The following MYH13 variants were observed in gnomAD, a reference collection of about 807,000 sequenced individuals.
MYH13 encodes myosin-13.
MYH13 carries 177 observed loss-of-function variants against 232.1 expected under a neutral mutation model. The ratio of observed to expected loss-of-function variants is 0.76; its 90% CI spans 0.67 to 0.86. MYH13 has a LOEUF of 0.86. Among genes scored for constraint, MYH13 ranks in the 40% least tolerant of loss-of-function variants. The pLI is 0.00. For synonymous variants in MYH13, 884 were observed against 923.5 expected, an observed-to-expected ratio of 0.96 and a Z score of 0.78; for missense variants, 2,246 against 2,405.9, an observed-to-expected ratio of 0.93 and a Z score of 1.39.
chr17:10,306,220 A>ATATGTGTGTG lies in MYH13; in HGVS notation c.5466+238_5466+239insCACACACATA, dbSNP rs1266110568. Among the ~76,000 whole-genome samples the ATATGTGTGTG allele has an allele frequency of 7.7e-6, 1 of 129,944 alleles. No homozygotes were observed. Among genetic ancestry groups the ATATGTGTGTG allele is most frequent in the African/African-American group, 2.9e-5 (1 of 34,444 alleles). 85.2% of individuals were successfully genotyped at this position (129,944 alleles called of 152,430 possible). A position where few individuals can be genotyped will look rare whatever the true frequency, so the allele number is the denominator to read the frequency against. The stretch of plus-strand genomic sequence containing the variant: ...CTGAGGTGTGAGCATACCAAAATAG[A>ATATGTGTGTG]TGTGTGTGTGTGTGTGTGTGTGTGT... On this transcript the variant is annotated intron_variant, in intron 37 of 40. Transcript: ENST00000252172. The surrounding 1 kb of genome is among the most constrained non-coding windows in gnomAD (Gnocchi z 4.3).
intron 25 of MYH13, 31 bp downstream of exon 25, chr17:10,320,320 G>T (rs775583376): frequency 1.2e-6 from 2 of 1,609,718 alleles, no homozygotes; most frequent in African/African-American, 1.3e-5. Flanking sequence ...CTTTTAGGCT[G>T]AGACACAGAG....
At chr17:10,351,564 T>G (rs530930411) in intron 11 of MYH13, among the ~76,000 whole-genome samples, 3 of 152,224 alleles carry the variant, frequency 2.0e-5, no homozygotes, top group African/African-American at 7.2e-5. Context: ...CTGTATGTTA[T>G]TAAATCCCCA....
At chr17:10,329,000 G>T (rs1907320651) in intron 21 of MYH13, among the ~76,000 whole-genome samples, 1 of 152,052 alleles carries the variant, frequency 6.6e-6, no homozygotes, top group Non-Finnish European at 1.5e-5. Context: ...TTCTGCTGCT[G>T]TTTTCATCCC....
At chr17:10,317,281 G>A (rs71358293) in intron 27 of MYH13, among the ~76,000 whole-genome samples, 4,782 of 152,182 alleles carry the variant, frequency 0.031, 117 homozygotes, top group Non-Finnish European at 0.04. Flanking sequence ...CTTAGAGGAA[G>A]AAAGAAAACC....
intron 18 of MYH13, among the ~76,000 whole-genome samples, chr17:10,339,648 A>G (rs145371311): frequency 3.3e-5 from 5 of 152,316 alleles, no homozygotes; most frequent in South Asian, 4.1e-4. Flanking sequence ...CATACACACA[A>G]TATTTTGAAT....
At chr17:10,349,693 G>A (rs774416290) in intron 12 of MYH13, among the ~76,000 whole-genome samples, 1 of 152,002 alleles carries the variant, frequency 6.6e-6, no homozygotes, top group South Asian at 2.1e-4. Context: ...TTGACTTTGA[G>A]TTAACAAAAA....
At position 10,369,494 on chromosome 17, in the gene MYH13, A is replaced by C. The variant is rs78585219; in HGVS notation, c.-13+1715T>G. Among the ~76,000 whole-genome samples, 146 of 152,358 alleles carry C rather than the reference A, an allele frequency of 9.6e-4. 2 individuals carry two copies. In the East Asian group the frequency reaches 0.024, roughly 25 times the overall value. On this transcript the variant is annotated intron_variant, in intron 2 of 40. Transcript: ENST00000252172. ...TAAAAACAAATAAGAAAAGAAAATG[A>C]ATCAATGTAAATACAAATATTAAGT...
At chr17:10,330,667 CT>C in intron 20 of MYH13, 144 bp from the exon 21 acceptor site, 1 of 1,195,282 alleles carries the variant, frequency 8.4e-7, no homozygotes, top group Non-Finnish European at 1.1e-6. Context: ...GGACTTGCTT[CT>C]CGGTGGCTCT....
At chr17:10,324,756 G>GTTTTTTTTTTTTTTTTTTTTTTTTTTT (rs56757162) in intron 22 of MYH13, 1 of 107,768 alleles carries the variant, frequency 9.3e-6, no homozygotes, top group African/African-American at 4.1e-5. Context: ...CCATATACAT[G>GTTTTTTTTTTTTTTTTTTTTTTTTTTT]TTTTTTTTTT....
intron 29 of MYH13, 104 bp from the exon 30 acceptor site, chr17:10,313,458 T>C: frequency 6.5e-7 from 1 of 1,538,762 alleles, no homozygotes; most frequent in South Asian, 1.2e-5. Flanking sequence ...ATCCCTATGC[T>C]GTCTTCACCA....
In MYH13 at chr17:10,309,586, C is replaced by T; in HGVS notation, c.4901G>A (p.Gly1634Asp). ...GDLNEMEIQL[G>D]HSNRQMAETQ... is the part of the protein sequence containing the mutation. ...CTCTGCCATCTGGCGGTTGGAGTGG[C>T]CCAGCTGAATCTCCATCTCATTAAG... is the stretch of plus-strand genomic sequence containing the variant. The change falls in exon 34 of 41, where the codon GGC becomes GAC. Residue 1634 changes from glycine (G) to aspartate (D), a missense_variant. Transcript: ENST00000252172. 6.2e-7 allele frequency: 1 copy of T among 1,613,358 alleles called. No homozygotes were observed. The highest frequency in any genetic ancestry group is 8.5e-7 in the Non-Finnish European group (1 of 1,179,740).
At chr17:10,362,079 G>A in intron 5 of MYH13, 39 bp downstream of exon 5, 1 of 1,612,982 alleles carries the variant, frequency 6.2e-7, no homozygotes, top group Non-Finnish European at 8.5e-7. Context: ...AATTAACTAA[G>A]GATGGCTTCA....
Position 10,344,106 on chromosome 17 carries a change from T to A in MYH13, c.1588A>T (p.Met530Leu). 1.9e-6 allele frequency: 3 copies of A among 1,613,978 alleles called. No individual in the cohort carries two copies. Among genetic ancestry groups the A allele is most frequent in the Non-Finnish European group, 2.5e-6 (3 of 1,179,872 alleles). The change falls in exon 16 of 41, where the codon ATG (methionine) becomes TTG (leucine). Residue 530 changes from methionine (M) to leucine (L), a missense_variant. Met to Leu is a conservative substitution (Grantham distance 15, BLOSUM62 2). Transcript: ENST00000252172. ...TCTTCCAGGATGGAGAAGATGCCCA[T>A]AGGCTGGAAAGAGGATAACAGAGTC... ...AACIELIEKP[M>L]GIFSILEEEC...
chr17:10,329,867 G>A (rs1277195981), intron 21 of MYH13, among the ~76,000 whole-genome samples: 1 of 152,152 alleles, frequency 6.6e-6, no homozygotes, highest in Non-Finnish European at 1.5e-5. Context: ...GGGCGTGGTG[G>A]TGCATGCCTG....
intron 2 of MYH13, among the ~76,000 whole-genome samples, chr17:10,368,165 AC>A (rs1304165578): frequency 6.6e-6 from 1 of 152,160 alleles, no homozygotes; most frequent in African/African-American, 2.4e-5. Context: ...CATCAATATC[AC>A]CAGTGTGATA....
intron 27 of MYH13, among the ~76,000 whole-genome samples, chr17:10,318,175 G>A (rs575791012): frequency 6.6e-6 from 1 of 152,364 alleles, no homozygotes; most frequent in East Asian, 1.9e-4. Context: ...CTGGGAGGTA[G>A]AGGTTGCAGT....
At chr17:10,368,754 G>A (rs989657600) in intron 2 of MYH13, among the ~76,000 whole-genome samples, 4 of 152,204 alleles carry the variant, frequency 2.6e-5, no homozygotes, top group African/African-American at 9.6e-5. Context: ...AGAACCCACA[G>A]ACCACACTTT....
intron 2 of MYH13, among the ~76,000 whole-genome samples, chr17:10,370,770 C>T (rs1383067901): frequency 1.3e-5 from 2 of 152,172 alleles, no homozygotes; most frequent in African/African-American, 2.4e-5. Context: ...GTTTTTATTA[C>T]CGCACCGGGC....
rs769619421 is a variant in MYH13 at position 10,340,336 on chromosome 17, CG to C, written c.1959del (p.Val654CysfsTer6). ...GCTGCCAAAACACCAACCCTGAACA[CG>C]GCCGACACGGTCTGGAAAGAGGAGC... is the stretch of plus-strand genomic sequence containing the variant. ...KKGSSFQTVS[A>X]VFRENLNKLM... On this transcript the variant is annotated frameshift_variant, in exon 17 of 41. Coordinates refer to ENST00000252172, the MANE Select transcript of MYH13 (RefSeq NM_003802.3). LOFTEE classifies it high-confidence loss of function. 23 of 1,613,792 alleles carry C rather than the reference CG, an allele frequency of 1.4e-5. No individual in the cohort carries two copies. In the South Asian group the frequency reaches 2.4e-4, roughly 17 times the overall value.
Sources: allele counts gnomAD v4.1 joint callset (sites outside exome capture counted in the v4.1 genomes callset), GRCh38; gene constraint gnomAD v4.1.1; non-coding constraint Gnocchi (gnomAD v3.1); transcripts MANE v1.5; gene names NCBI Gene and HGNC (gene_info 2026-07-23, HGNC 2026-07-21).